The following SLC9A2 variants were observed in gnomAD, a reference collection of about 807,000 sequenced individuals.
The protein encoded by SLC9A2 is solute carrier family 9 member A2.
A neutral mutation model predicts 71.7 loss-of-function variants in SLC9A2; 42 were observed. The ratio of observed to expected loss-of-function variants is 0.59; its 90% CI spans 0.46 to 0.76. The LOEUF is 0.76. Among genes scored for constraint, SLC9A2 ranks in the 30% least tolerant of loss-of-function variants. The pLI, the probability that SLC9A2 is intolerant of heterozygous loss-of-function variation, is 0.00. For missense variants in SLC9A2, 829 were observed against 1,017.4 expected (o/e 0.81, Z 2.52); for synonymous variants, 396 against 392.5 (o/e 1.01, Z -0.10).
intron 3 of SLC9A2, among the ~76,000 whole-genome samples, chr2:102,682,717 G>C (rs990919388): frequency 3.3e-5 from 5 of 152,134 alleles, no homozygotes; most frequent in African/African-American, 1.2e-4. Context: ...AGAAGTGAGT[G>C]GGTCTAAGAG....
At chr2:102,652,588 G>A (rs1676855171) in intron 1 of SLC9A2, among the ~76,000 whole-genome samples, 1 of 152,070 alleles carries the variant, frequency 6.6e-6, no homozygotes, top group Non-Finnish European at 1.5e-5. Context: ...CTTTTTAATA[G>A]CATTTATCAC....
rs138801698 is a variant in SLC9A2, at chr2:102,708,046, C to G, written c.2069-73C>G. On this transcript the variant is annotated intron_variant, in intron 11 of 11. Transcript: ENST00000233969. ...CAGGACGTATCAGTTGCCTGACTCA[C>G]TAAGGTACTGAAGTTACTTGCAATG... 347 of 1,504,442 alleles carry G rather than the reference C, an allele frequency of 2.3e-4. No homozygotes were observed. In the African/African-American group the frequency reaches 4.3e-3, roughly 19 times the overall value. 93.2% of individuals were successfully genotyped at this position (1,504,442 alleles called of 1,614,324 possible).
At chr2:102,645,989 G>A (rs1676715877) in intron 1 of SLC9A2, among the ~76,000 whole-genome samples, 1 of 152,030 alleles carries the variant, frequency 6.6e-6, no homozygotes, top group Non-Finnish European at 1.5e-5. Context: ...GCAACCACAA[G>A]ACACATAATC....
chr2:102,665,072 T>G (rs368891421), intron 2 of SLC9A2, 28 bp from the exon 3 acceptor site: 46 of 1,596,006 alleles, frequency 2.9e-5, no homozygotes, highest in African/African-American at 4.1e-5. Context: ...GAAAGGGTCT[T>G]GACAAGGTGT....
intron 3 of SLC9A2, among the ~76,000 whole-genome samples, chr2:102,672,121 A>G (rs961778897): frequency 6.6e-6 from 1 of 152,152 alleles, no homozygotes; most frequent in African/African-American, 2.4e-5. Flanking sequence ...AAAAATAATA[A>G]TAATAAAAAT....
intron 2 of SLC9A2, among the ~76,000 whole-genome samples, chr2:102,662,580 T>A (rs1269083546): frequency 1.3e-5 from 2 of 152,078 alleles, no homozygotes; most frequent in African/African-American, 4.8e-5. Flanking sequence ...GGAGGGCTCC[T>A]GGGGGCAACA....
In SLC9A2 at chr2:102,702,477, G is replaced by A; in HGVS notation, c.1820G>A (p.Arg607Lys). 6.3e-7 allele frequency: 1 copy of A among 1,594,938 alleles called. No individual in the cohort carries two copies. Among genetic ancestry groups the A allele is most frequent in the Non-Finnish European group, 8.5e-7 (1 of 1,170,064 alleles). ...GATGAAATTCGAGAACTCTTATCAA[G>A]AAATCTCTATCAAATCCGTCAGCGA... ...ETDEIRELLSRNLYQIRQRTL... is the reference protein window; with the variant it reads ...ETDEIRELLSKNLYQIRQRTL... Residue 607 changes from arginine to lysine, a missense_variant, in exon 9 of 12, where the codon AGA becomes AAA. Around this residue, in one of 3 missense-constraint regions of SLC9A2, gnomAD observed 500 missense variants for 726.3 expected, o/e 0.69. Transcript: ENST00000233969.
At chr2:102,651,123 GC>G (rs560819723) in intron 1 of SLC9A2, among the ~76,000 whole-genome samples, 303 of 152,114 alleles carry the variant, frequency 2.0e-3, no homozygotes, top group Non-Finnish European at 3.5e-3. Context: ...GTTACAATAT[GC>G]CCCCCATCCC....
Position 102,684,296 on chromosome 2 carries a change from C to T in SLC9A2, c.1385C>T (p.Thr462Met), listed in dbSNP as rs772980419. 5.0e-6 allele frequency: 8 copies of T among 1,613,992 alleles called. No homozygotes were observed. The highest frequency in any genetic ancestry group is 2.2e-5 in the East Asian group (1 of 44,896). Reference protein sequence around the residue: ...AVFPRKKLFITAAIVVIFFTV... With the variant: ...AVFPRKKLFIMAAIVVIFFTV... ...TTTCCTCGGAAAAAATTGTTTATTA[C>T]GGCTGCCATTGTTGTCATATTCTTT... The change falls in exon 5 of 12, where the codon ACG (threonine) becomes ATG (methionine). Residue 462 changes from threonine (T) to methionine (M), a missense_variant. Transcript: ENST00000233969.
intron 3 of SLC9A2, among the ~76,000 whole-genome samples, chr2:102,672,148 A>T (rs865919363): frequency 1.4e-4 from 21 of 152,268 alleles, no homozygotes; most frequent in South Asian, 4.1e-4. Flanking sequence ...AAAAATATAT[A>T]GCAGATTTTT....
intron 1 of SLC9A2, among the ~76,000 whole-genome samples, chr2:102,652,896 T>C (rs1676861084): frequency 6.6e-6 from 1 of 152,228 alleles, no homozygotes; most frequent in East Asian, 1.9e-4. Context: ...ATTTTCTCTA[T>C]TCAAGTTCAT....
At chr2:102,636,550 G>A (rs1676471724) in intron 1 of SLC9A2, among the ~76,000 whole-genome samples, 1 of 152,230 alleles carries the variant, frequency 6.6e-6, no homozygotes, top group Non-Finnish European at 1.5e-5. Flanking sequence ...TCCCACACAA[G>A]GCGGTTAGGT....
intron 7 of SLC9A2, among the ~76,000 whole-genome samples, chr2:102,699,159 A>T (rs905457584): frequency 6.6e-6 from 1 of 152,206 alleles, no homozygotes; most frequent in Non-Finnish European, 1.5e-5. Flanking sequence ...AACAGGATGG[A>T]TAGGAAGGGC....
intron 1 of SLC9A2, among the ~76,000 whole-genome samples, chr2:102,628,516 G>A (rs1170139748): frequency 6.6e-6 from 1 of 151,984 alleles, no homozygotes; most frequent in Non-Finnish European, 1.5e-5. Context: ...TTGGAAGAAC[G>A]GCAATATATG....
intron 9 of SLC9A2, among the ~76,000 whole-genome samples, chr2:102,703,866 G>A (rs934776521): frequency 6.6e-6 from 1 of 152,128 alleles, no homozygotes; most frequent in African/African-American, 2.4e-5. Context: ...ATCATTGTGG[G>A]GAGTGTCACC....
chr2:102,680,872 G>T (rs76843517), intron 3 of SLC9A2, among the ~76,000 whole-genome samples: 1 of 152,120 alleles, frequency 6.6e-6, no homozygotes, highest in South Asian at 2.1e-4. Flanking sequence ...ATGTGATTAG[G>T]GAAGCAGAGG....
In SLC9A2 at chr2:102,672,182, T is replaced by C. The variant is rs72828036; in HGVS notation, c.1004+6832T>C. Among the ~76,000 whole-genome samples, 1,273 of 152,284 alleles carry C rather than the reference T, an allele frequency of 8.4e-3. 13 individuals carry two copies. The highest frequency in any genetic ancestry group is 0.017 in the Admixed American group (256 of 15,294). On this transcript the variant is annotated intron_variant, in intron 3 of 11. Transcript: ENST00000233969. Reference sequence around the variant, plus strand: ...TTAAGACTGAGTAGGAAAAGGATTCTAGAATATCTCATTAGTAATTTCTAT... The same window carrying C: ...TTAAGACTGAGTAGGAAAAGGATTCCAGAATATCTCATTAGTAATTTCTAT...
At chr2:102,647,904 A>G (rs1220748897) in intron 1 of SLC9A2, among the ~76,000 whole-genome samples, 1 of 152,208 alleles carries the variant, frequency 6.6e-6, no homozygotes, top group Non-Finnish European at 1.5e-5. Flanking sequence ...GCCAAACTCT[A>G]TCAGAGGTAC....
chr2:102,640,465 G>A (rs1044252727), intron 1 of SLC9A2, among the ~76,000 whole-genome samples: 1 of 152,120 alleles, frequency 6.6e-6, no homozygotes, highest in South Asian at 2.1e-4. Context: ...CTACAAACTG[G>A]GAGTCCCCTG....
Sources: allele counts gnomAD v4.1 joint callset (sites outside exome capture counted in the v4.1 genomes callset), GRCh38; gene constraint gnomAD v4.1.1; regional missense constraint gnomAD v4.1.1; transcripts MANE v1.5; gene names NCBI Gene and HGNC (gene_info 2026-07-23, HGNC 2026-07-21).